Variants in ARHGAP28 observed in about 807,000 individuals in gnomAD.
ARHGAP28 encodes the protein Rho GTPase activating protein 28.
A neutral mutation model predicts 90.7 loss-of-function variants in ARHGAP28; 56 were observed. That is an observed-to-expected ratio of 0.62 (90% CI 0.50 to 0.77). ARHGAP28 has a LOEUF of 0.77. Ranked by LOEUF, ARHGAP28 falls within the 30% of genes least tolerant of loss-of-function variation. The pLI is 0.00. For synonymous variants in ARHGAP28, 308 were observed against 323.3 expected, an observed-to-expected ratio of 0.95 and a Z score of 0.51; for missense variants, 869 against 900.9, an observed-to-expected ratio of 0.96 and a Z score of 0.45.
chr18:6,776,391 G>A (rs2056283588), intron 1 of ARHGAP28, among the ~76,000 whole-genome samples: 1 of 152,192 alleles, frequency 6.6e-6, no homozygotes, highest in Non-Finnish European at 1.5e-5. Flanking sequence ...AATGAAAACA[G>A]TTCAGTCAAG....
At chr18:6,800,967 G>A (rs748079810) in intron 1 of ARHGAP28, among the ~76,000 whole-genome samples, 41 of 152,166 alleles carry the variant, frequency 2.7e-4, no homozygotes, top group Non-Finnish European at 5.6e-4. Context: ...CTTGAAGTAT[G>A]TGGCTTATCT....
Position 6,896,632 on chromosome 18 carries a change from T to C in ARHGAP28, c.2030+6T>C. 6.2e-7 allele frequency: 1 copy of C among 1,613,692 alleles called. No individual in the cohort carries two copies. The highest frequency in any genetic ancestry group is 8.5e-7 in the Non-Finnish European group (1 of 1,179,914). ...AAATTTCAATATGAAAACAGGTGAG[T>C]CAATGTGAATGAAGGTCTCTGCACA... On this transcript the variant is annotated splice_donor_region_variant and intron_variant, in intron 16 of 17. Coordinates refer to ENST00000383472, the MANE Select transcript of ARHGAP28 (RefSeq NM_001366230.1).
At chr18:6,798,255 G>A (rs534705413) in intron 1 of ARHGAP28, among the ~76,000 whole-genome samples, 13 of 152,214 alleles carry the variant, frequency 8.5e-5, no homozygotes, top group South Asian at 4.2e-4. Context: ...GTGCAATGGC[G>A]CAATCTCTGC....
intron 14 of ARHGAP28, 117 bp from the exon 15 acceptor site, chr18:6,894,718 T>C (rs2057292216): frequency 1.3e-6 from 1 of 787,378 alleles, no homozygotes; most frequent in Non-Finnish European, 2.1e-6. Flanking sequence ...ATATACATTT[T>C]ATAATTTTAT....
chr18:6,903,582 C>T (rs2057348681), intron 16 of ARHGAP28, among the ~76,000 whole-genome samples: 1 of 151,884 alleles, frequency 6.6e-6, no homozygotes. Context: ...CCTGTAATTC[C>T]AGCACTTTGG....
At chr18:6,830,759 T>C (rs759814590) in intron 2 of ARHGAP28, among the ~76,000 whole-genome samples, 5 of 152,244 alleles carry the variant, frequency 3.3e-5, no homozygotes, top group Non-Finnish European at 5.9e-5. Context: ...TACCAGGATT[T>C]AAGACTTCAA....
chr18:6,744,965 T>C (rs1043987928), intron 1 of ARHGAP28, among the ~76,000 whole-genome samples: 7 of 151,788 alleles, frequency 4.6e-5, no homozygotes, highest in Non-Finnish European at 7.4e-5. Flanking sequence ...TATACTTAAT[T>C]TAATTATATT....
At chr18:6,875,008 G>C (rs571260896) in intron 9 of ARHGAP28, 2 of 152,190 alleles carry the variant, frequency 1.3e-5, no homozygotes, top group Non-Finnish European at 2.9e-5. Context: ...CCATGGTGAC[G>C]CTGAGATTTT....
chr18:6,909,301 T>TTTTCTTTTTTTC (rs56989288), intron 17 of ARHGAP28, among the ~76,000 whole-genome samples: 1 of 31,762 alleles, frequency 3.1e-5, no homozygotes, highest in Non-Finnish European at 8.1e-5. Flanking sequence ...TTTTCTTTTC[T>TTTTCTTTTTTTC]TTTTTTTTTG....
intron 10 of ARHGAP28, among the ~76,000 whole-genome samples, chr18:6,880,401 T>C (rs563222933): frequency 1.3e-5 from 2 of 152,304 alleles, no homozygotes; most frequent in African/African-American, 4.8e-5. Context: ...AACTGGGTTC[T>C]TTGCCTGTCA....
intron 17 of ARHGAP28, among the ~76,000 whole-genome samples, chr18:6,910,906 G>A (rs1236908910): frequency 2.0e-5 from 3 of 151,074 alleles, no homozygotes; most frequent in East Asian, 2.0e-4. Context: ...GTGCAGTGGC[G>A]CGATCTCGGC....
chr18:6,825,087 A>G (rs2056652873), intron 2 of ARHGAP28, 123 bp downstream of exon 2: 4 of 935,276 alleles, frequency 4.3e-6, no homozygotes, highest in Non-Finnish European at 3.1e-6. Context: ...AGAATCTGGC[A>G]TATTGATGAT....
chr18:6,863,375 C>T lies in ARHGAP28; in HGVS notation c.726+3478C>T, dbSNP rs536257017. ...TTTAATCAATTACTTTAGGAAGTTACATTGATAGGTTTTTCTTATATTGAA... is the reference window on the plus strand; with the variant it reads ...TTTAATCAATTACTTTAGGAAGTTATATTGATAGGTTTTTCTTATATTGAA... On this transcript the variant is annotated intron_variant, in intron 5 of 17. Transcript: ENST00000383472. Among the ~76,000 whole-genome samples, 8 of 151,644 alleles carry T rather than the reference C, an allele frequency of 5.3e-5. No individual in the cohort carries two copies. The South Asian group carries it at 1.7e-3, about 32-fold the overall frequency.
At chr18:6,786,057 A>C (rs772648437) in intron 1 of ARHGAP28, among the ~76,000 whole-genome samples, 1 of 152,136 alleles carries the variant, frequency 6.6e-6, no homozygotes, top group African/African-American at 2.4e-5. Flanking sequence ...AAATTAGGAG[A>C]AGTTCTATTG....
intron 1 of ARHGAP28, among the ~76,000 whole-genome samples, chr18:6,770,767 G>T (rs2056236099): frequency 6.6e-6 from 1 of 152,096 alleles, no homozygotes; most frequent in Non-Finnish European, 1.5e-5. Flanking sequence ...GTGAAGGGGA[G>T]AGGGAAGAGG....
At chr18:6,887,047 C>A in intron 11 of ARHGAP28, 110 bp from the exon 12 acceptor site, 1 of 931,468 alleles carries the variant, frequency 1.1e-6, no homozygotes, top group Non-Finnish European at 1.7e-6. Context: ...TGAGTCTTTA[C>A]CACCAAAAGC....
intron 12 of ARHGAP28, among the ~76,000 whole-genome samples, 181 bp from the exon 13 acceptor site, chr18:6,889,707 A>G (rs550981310): frequency 2.0e-5 from 3 of 152,360 alleles, no homozygotes; most frequent in East Asian, 3.9e-4. Context: ...ACAGTTGAAT[A>G]TACTGCTCAC....
At chr18:6,739,924 G>T (rs2055961715) in intron 1 of ARHGAP28, among the ~76,000 whole-genome samples, 1 of 143,796 alleles carries the variant, frequency 7.0e-6, no homozygotes. Flanking sequence ...GTGCAATGTT[G>T]GCTCACCGCA....
At chr18:6,882,072 G>C in intron 10 of ARHGAP28, 65 bp from the exon 11 acceptor site, 1 of 1,474,594 alleles carries the variant, frequency 6.8e-7, no homozygotes, top group East Asian at 2.3e-5. Flanking sequence ...AACAGTTTTC[G>C]AAGGGGAAAA....
Sources: gnomAD v4.1 joint callset for allele counts (sites outside exome capture counted in the v4.1 genomes callset) on GRCh38, gnomAD v4.1.1 for gene constraint, MANE v1.5 for transcripts, NCBI Gene and HGNC (gene_info 2026-07-23, HGNC 2026-07-21) for gene names.